Variants in SARDH observed in about 807,000 individuals in gnomAD.
The protein encoded by SARDH is sarcosine dehydrogenase, mitochondrial.
A neutral mutation model predicts 109.1 loss-of-function variants in SARDH; 95 were observed. The observed-to-expected ratio is 0.87, with a 90% CI of 0.74 to 1.03. The LOEUF is 1.03. Ranked by LOEUF, SARDH falls within the 50% of genes least tolerant of loss-of-function variation. SARDH has a pLI of 0.00. For synonymous variants in SARDH, 572 were observed against 534.8 expected (o/e 1.07, Z -0.96); for missense variants, 1,267 against 1,287.8 (o/e 0.98, Z 0.25).
intron 17 of SARDH, among the ~76,000 whole-genome samples, chr9:133,681,417 G>A (rs116622390): frequency 0.016 from 2,427 of 152,272 alleles, 66 homozygotes; most frequent in African/African-American, 0.054. Flanking sequence ...CGGGACTCTC[G>A]GTTCCATGAG....
At chr9:133,732,655 C>T (rs1336189500) in intron 2 of SARDH, 54 bp from the exon 3 acceptor site, 2 of 1,527,422 alleles carry the variant, frequency 1.3e-6, no homozygotes, top group East Asian at 2.3e-5. Flanking sequence ...GCACCTCCTT[C>T]CCCCAGACGA....
chr9:133,736,731 C>T (rs527762337), intron 1 of SARDH, among the ~76,000 whole-genome samples: 2 of 152,328 alleles, frequency 1.3e-5, no homozygotes, highest in Admixed American at 1.3e-4. Context: ...GAACGGAGGT[C>T]TCACAACAGC....
rs1832160128 is a variant in SARDH at position 133,717,313 on chromosome 9, G to A, written c.1150+13C>T. 1 of 1,613,632 alleles carries A rather than the reference G, an allele frequency of 6.2e-7. No homozygotes were observed. The highest frequency in any genetic ancestry group is 8.5e-7 in the Non-Finnish European group (1 of 1,179,704). The stretch of plus-strand genomic sequence containing the variant: ...CCATGGACGCCCACCCCAGCTCCGA[G>A]GCTGTCACTCACCAGGGCCGCAGAC... On this transcript the variant is annotated intron_variant, in intron 8 of 20. Transcript: ENST00000439388.
In SARDH at chr9:133,709,045, C is replaced by T. The variant is rs993096408; in HGVS notation, c.1329-617G>A. Among the ~76,000 whole-genome samples, 3 of 152,182 alleles carry T rather than the reference C, an allele frequency of 2.0e-5. No individual in the cohort carries two copies. The highest frequency in any genetic ancestry group is 2.9e-5 in the Non-Finnish European group (2 of 68,026). On this transcript the variant is annotated intron_variant, in intron 10 of 20. Transcript: ENST00000439388. The surrounding 1 kb of genome is among the most constrained non-coding windows in gnomAD (Gnocchi z 4.2). ...ACCAGGGACCCAAGAGGTACAGAGT[C>T]TCTGGGGGAAAATCCCAGCTGTGTC...
At chr9:133,702,719 G>A (rs891192230) in intron 13 of SARDH, among the ~76,000 whole-genome samples, 197 bp downstream of exon 13, 8 of 152,216 alleles carry the variant, frequency 5.3e-5, no homozygotes, top group Middle Eastern at 3.4e-3. Flanking sequence ...CAAAATCTCG[G>A]CACAGAGGGA....
Position 133,725,132 on chromosome 9 carries a change from C to T in SARDH, c.915+4633G>A, listed in dbSNP as rs146563551. The stretch of plus-strand genomic sequence containing the variant: ...AAAGAAGCCAGACATCATGTGATTC[C>T]ATTTATACTAAACGTCCAGAATAGG... On this transcript the variant is annotated intron_variant, in intron 6 of 20. Transcript: ENST00000439388. 8.9e-3 allele frequency among the ~76,000 whole-genome samples: 1,349 copies of T among 152,228 alleles called. 18 individuals are homozygous for T. The highest frequency in any genetic ancestry group is 0.03 in the African/African-American group (1,258 of 41,544).
chr9:133,681,704 T>G (rs1830700402), intron 17 of SARDH, among the ~76,000 whole-genome samples: 1 of 152,198 alleles, frequency 6.6e-6, no homozygotes, highest in African/African-American at 2.4e-5. Context: ...AGTAAAACAC[T>G]AGTGCTTGAC....
intron 19 of SARDH, among the ~76,000 whole-genome samples, chr9:133,668,275 G>A (rs1382091629): frequency 1.9e-5 from 2 of 107,278 alleles, no homozygotes; most frequent in African/African-American, 3.9e-5. Context: ...TCCACTCACC[G>A]TCCCTCTCCC....
At chr9:133,713,251 C>T in intron 8 of SARDH, 127 bp from the exon 9 acceptor site, 1 of 723,890 alleles carries the variant, frequency 1.4e-6, no homozygotes, top group South Asian at 1.8e-5. Context: ...CCTCCCTCCT[C>T]TAGGCCCTGC....
At position 133,716,541 on chromosome 9, in the gene SARDH, C is replaced by T. The variant is rs116099697; in HGVS notation, c.1150+785G>A. ...ACCCGCCCCCTGGGGCAGAGCCTTCCGGGCTCCCCAGGCCAGCAGCCTCAG... is the reference window on the plus strand; with the variant it reads ...ACCCGCCCCCTGGGGCAGAGCCTTCTGGGCTCCCCAGGCCAGCAGCCTCAG... On this transcript the variant is annotated intron_variant, in intron 8 of 20. Coordinates refer to ENST00000439388, the MANE Select transcript of SARDH (RefSeq NM_001134707.2). Among the ~76,000 whole-genome samples the T allele has an allele frequency of 4.1e-3, 627 of 151,746 alleles. 5 individuals are homozygous for T. The highest frequency in any genetic ancestry group is 0.014 in the African/African-American group (575 of 41,280).
rs1831154506 is a variant in SARDH at position 133,692,917 on chromosome 9, C to G, written c.1921+1341G>C. Among the ~76,000 whole-genome samples the G allele has an allele frequency of 6.6e-6, 1 of 152,174 alleles. No individual in the cohort carries two copies. The highest frequency in any genetic ancestry group is 1.5e-5 in the Non-Finnish European group (1 of 68,020). ...CCCCATAGGACCCCTCACTCACGCT[C>G]TCAGCCTCATCTCCGCCACCAGCCT... On this transcript the variant is annotated intron_variant, in intron 15 of 20. Coordinates refer to ENST00000439388, the MANE Select transcript of SARDH (RefSeq NM_001134707.2). The surrounding 1 kb of genome is among the most constrained non-coding windows in gnomAD (Gnocchi z 5.0).
intron 13 of SARDH, among the ~76,000 whole-genome samples, chr9:133,698,306 A>G (rs1346516734): frequency 6.6e-6 from 1 of 152,206 alleles, no homozygotes; most frequent in Non-Finnish European, 1.5e-5. Flanking sequence ...CATGTTCATG[A>G]AACAAAAGAC....
At chr9:133,726,517 CT>C (rs900101987) in intron 6 of SARDH, among the ~76,000 whole-genome samples, 7 of 152,208 alleles carry the variant, frequency 4.6e-5, no homozygotes, top group South Asian at 4.2e-4. Flanking sequence ...AGGGAAGCCC[CT>C]GATGTTTGTC....
At chr9:133,668,037 A>G (rs1267888179) in intron 19 of SARDH, among the ~76,000 whole-genome samples, 1 of 151,982 alleles carries the variant, frequency 6.6e-6, no homozygotes, top group Admixed American at 6.5e-5. Flanking sequence ...ACTGGGTCAC[A>G]GGGGCCGTCC....
chr9:133,660,698 T>G (rs1832401556), downstream of SARDH, among the ~76,000 whole-genome samples: 1 of 152,078 alleles, frequency 6.6e-6, no homozygotes, highest in Admixed American at 6.5e-5. Flanking sequence ...GGGCAGGGAC[T>G]GCTAGGGTGG....
Position 133,731,451 on chromosome 9 carries a change from GCA to G in SARDH, c.542_543del (p.Val181AlafsTer52). ...AGAGTCTTGGTCTCTGCCGGGCTCAGCACATGGGATTCCACACCATACGCCTT... is the reference window on the plus strand; with the variant it reads ...AGAGTCTTGGTCTCTGCCGGGCTCAGCATGGGATTCCACACCATACGCCTT... Reference protein sequence around the residue: ...LGKAYGVESHVLSPAETKTLY... With the variant: ...LGKAYGVESHXLSPAETKTLY... On this transcript the variant is annotated frameshift_variant, in exon 4 of 21. Coordinates refer to ENST00000439388, the MANE Select transcript of SARDH (RefSeq NM_001134707.2). LOFTEE classifies it high-confidence loss of function. 2 of 1,614,146 alleles carry G rather than the reference GCA, an allele frequency of 1.2e-6. No individual in the cohort carries two copies. Among genetic ancestry groups the G allele is most frequent in the East Asian group, 4.5e-5 (2 of 44,870 alleles).
chr9:133,700,663 A>G (rs946378297), intron 13 of SARDH, among the ~76,000 whole-genome samples: 4 of 152,190 alleles, frequency 2.6e-5, no homozygotes, highest in African/African-American at 9.6e-5. Context: ...TACCTTTTAA[A>G]TGAATAAATC....
At chr9:133,697,869 A>C (rs1831338842) in intron 13 of SARDH, among the ~76,000 whole-genome samples, 1 of 152,162 alleles carries the variant, frequency 6.6e-6, no homozygotes, top group African/African-American at 2.4e-5. Flanking sequence ...CACTCTATTC[A>C]ACATTGCACT....
chr9:133,690,155 C>T (rs1831039668), intron 16 of SARDH, among the ~76,000 whole-genome samples: 1 of 152,174 alleles, frequency 6.6e-6, no homozygotes, highest in African/African-American at 2.4e-5. Context: ...TCCTGGGGTC[C>T]TCAGTGACTG....
Sources: allele counts gnomAD v4.1 joint callset (sites outside exome capture counted in the v4.1 genomes callset), GRCh38; gene constraint gnomAD v4.1.1; non-coding constraint Gnocchi (gnomAD v3.1); transcripts MANE v1.5; gene names NCBI Gene and HGNC (gene_info 2026-07-23, HGNC 2026-07-21).